Variants in SLC22A3 observed in about 807,000 individuals in gnomAD.
The protein encoded by SLC22A3 is solute carrier family 22 member 3, also known as EMT organic cation transporter 3.
A neutral mutation model predicts 59.1 loss-of-function variants in SLC22A3; 51 were observed. The observed-to-expected ratio is 0.86, with a 90% CI of 0.69 to 1.09. The LOEUF is 1.09. Ranked by LOEUF, SLC22A3 falls within the 50% of genes least tolerant of loss-of-function variation. The pLI is 0.00. For missense variants in SLC22A3, 711 were observed against 726.3 expected, an observed-to-expected ratio of 0.98 and a Z score of 0.24; for synonymous variants, 325 against 292.0, an observed-to-expected ratio of 1.11 and a Z score of -1.15.
intron 2 of SLC22A3, among the ~76,000 whole-genome samples, chr6:160,403,347 A>G (rs896172853): frequency 6.6e-6 from 1 of 151,886 alleles, no homozygotes; most frequent in Admixed American, 6.6e-5. Flanking sequence ...AACTCACCCA[A>G]GATTATATAG....
rs1447596875 is a variant in SLC22A3 at position 160,391,799 on chromosome 6, G to C, written c.430-6180G>C. Among the ~76,000 whole-genome samples the C allele has an allele frequency of 3.3e-5, 5 of 152,294 alleles. No homozygotes were observed. The East Asian group carries it at 9.6e-4, about 29-fold the overall frequency. ...TGTATCTTGTACAACCTGAGGATGA[G>C]TCACCAAGGGCAGAAGTTAATAAAT... is the stretch of plus-strand genomic sequence containing the variant. On this transcript the variant is annotated intron_variant, in intron 1 of 10. Coordinates refer to ENST00000275300, the MANE Select transcript of SLC22A3 (RefSeq NM_021977.4).
At chr6:160,410,545 A>C (rs1275617709) in intron 4 of SLC22A3, among the ~76,000 whole-genome samples, 184 bp from the exon 5 acceptor site, 2 of 151,760 alleles carry the variant, frequency 1.3e-5, no homozygotes, top group African/African-American at 2.4e-5. Context: ...TCAAGCTAGC[A>C]TTTTTCCCCA....
chr6:160,348,737 C>T lies in SLC22A3; in HGVS notation c.318C>T (p.Ser106=), dbSNP rs760498690. ...CCAACGACAGCGCCTCCGCCACTAG[C>T]GCTCTCAGCTGCGCGGACCCACTCG... is the stretch of plus-strand genomic sequence containing the variant. ...EAANDSASAT[S]ALSCADPLAA... Residue 106 remains serine (S), a synonymous_variant, in exon 1 of 11, where the codon AGC becomes AGT. Coordinates refer to ENST00000275300, the MANE Select transcript of SLC22A3 (RefSeq NM_021977.4). The T allele has an allele frequency of 6.5e-7, 1 of 1,532,280 alleles. No individual in the cohort carries two copies. Among genetic ancestry groups the T allele is most frequent in the East Asian group, 2.5e-5 (1 of 40,464 alleles). 94.9% of individuals were successfully genotyped at this position (1,532,280 alleles called of 1,614,324 possible). A position where few individuals can be genotyped will look rare whatever the true frequency, so the allele number is the denominator to read the frequency against.
At chr6:160,414,259 A>G (rs941108416) in intron 5 of SLC22A3, among the ~76,000 whole-genome samples, 2 of 152,174 alleles carry the variant, frequency 1.3e-5, no homozygotes, top group African/African-American at 4.8e-5. Flanking sequence ...GAGGTTGCCA[A>G]ATGACAATAT....
At chr6:160,434,304 A>T (rs1788260597) in intron 5 of SLC22A3, among the ~76,000 whole-genome samples, 1 of 152,216 alleles carries the variant, frequency 6.6e-6, no homozygotes, top group East Asian at 1.9e-4. Context: ...AAATATTTAG[A>T]TGTGGCCATC....
intron 1 of SLC22A3, among the ~76,000 whole-genome samples, chr6:160,373,933 G>T (rs1040444659): frequency 6.6e-6 from 1 of 152,206 alleles, no homozygotes; most frequent in African/African-American, 2.4e-5. Flanking sequence ...GTGGATCTTA[G>T]CTTGCTGGGC....
chr6:160,440,068 T>C (rs561521390), intron 7 of SLC22A3, among the ~76,000 whole-genome samples: 6 of 152,370 alleles, frequency 3.9e-5, no homozygotes, highest in Admixed American at 3.9e-4. Context: ...CAACTTTTCA[T>C]GGTCTAAAGA....
intron 5 of SLC22A3, among the ~76,000 whole-genome samples, chr6:160,435,743 G>A (rs541737214): frequency 7.9e-5 from 12 of 152,192 alleles, no homozygotes; most frequent in Admixed American, 4.6e-4. Context: ...AGATAGCATC[G>A]GTCTTGTCCT....
rs79360193 is a variant in SLC22A3, at chr6:160,369,520, A to G, written c.429+20672A>G. The stretch of plus-strand genomic sequence containing the variant: ...TAAATATACAAAGTAAAATGTAAAT[A>G]TCTTTTTTGTGGGTCTTTTAGAATT... On this transcript the variant is annotated intron_variant, in intron 1 of 10. Coordinates refer to ENST00000275300, the MANE Select transcript of SLC22A3 (RefSeq NM_021977.4). Among the ~76,000 whole-genome samples the G allele has an allele frequency of 4.5e-4, 68 of 152,326 alleles. 2 individuals carry two copies. In the East Asian group the frequency reaches 0.011, roughly 25 times the overall value.
At chr6:160,384,803 C>A (rs1440112576) in intron 1 of SLC22A3, among the ~76,000 whole-genome samples, 1 of 152,200 alleles carries the variant, frequency 6.6e-6, no homozygotes, top group Non-Finnish European at 1.5e-5. Flanking sequence ...GGGAAGCCAT[C>A]TCCACATGAT....
At chr6:160,416,336 G>C (rs2665355) in intron 5 of SLC22A3, among the ~76,000 whole-genome samples, 75,763 of 151,956 alleles carry the variant, frequency 0.5, 19,278 homozygotes, top group South Asian at 0.62. Flanking sequence ...AAATTAAAGA[G>C]AATCAGTGGA....
chr6:160,436,744 T>A, intron 5 of SLC22A3, 36 bp from the exon 6 acceptor site: 1 of 1,364,060 alleles, frequency 7.3e-7, no homozygotes, highest in Non-Finnish European at 1.0e-6. Context: ...TTTTTTTTTC[T>A]GTCTATTGCT....
chr6:160,378,819 T>C (rs1785691428), intron 1 of SLC22A3, among the ~76,000 whole-genome samples: 2 of 152,358 alleles, frequency 1.3e-5, no homozygotes, highest in South Asian at 4.1e-4. Context: ...AAATAGCTCA[T>C]GTAATTTATT....
At chr6:160,434,660 G>T (rs1376612312) in intron 5 of SLC22A3, among the ~76,000 whole-genome samples, 1 of 152,130 alleles carries the variant, frequency 6.6e-6, no homozygotes, top group African/African-American at 2.4e-5. Context: ...ATATATATTT[G>T]TAATCTATGG....
rs1787122657 is a variant in SLC22A3, at chr6:160,408,792, G to A, written c.728G>A (p.Gly243Glu). Residue 243 changes from glycine to glutamate, a missense_variant, in exon 4 of 11, where the codon GGA becomes GAA. Physicochemically the swap from Gly to Glu is moderately conservative, Grantham distance 98. Coordinates refer to ENST00000275300, the MANE Select transcript of SLC22A3 (RefSeq NM_021977.4). ...IVGSKQRRIV[G>E]IVIQMFFTLG... is the part of the protein sequence containing the mutation. ...GGTTCGAAACAAAGGAGGATTGTGG[G>A]AATCGTGATTCAAATGTTCTTTACC... The A allele has an allele frequency of 6.2e-7, 1 of 1,613,540 alleles. No homozygotes were observed. The highest frequency in any genetic ancestry group is 1.3e-5 in the African/African-American group (1 of 74,870).
Position 160,437,181 on chromosome 6 carries a change from G to A in SLC22A3, c.1258G>A (p.Ala420Thr). Reference protein sequence around the residue: ...FAASNIVAGVACLVTAFLPEG... With the variant: ...FAASNIVAGVTCLVTAFLPEG... ...GGCAAGCAATATAGTGGCAGGGGTG[G>A]CATGCCTTGTCACTGCGTTCTTACC... Residue 420 changes from alanine to threonine, a missense_variant, in exon 7 of 11, where the codon GCA (alanine) becomes ACA (threonine). Transcript: ENST00000275300. The A allele has an allele frequency of 6.2e-7, 1 of 1,614,120 alleles. No homozygotes were observed. The highest frequency in any genetic ancestry group is 8.5e-7 in the Non-Finnish European group (1 of 1,179,988).
At chr6:160,375,196 A>G (rs1235666870) in intron 1 of SLC22A3, among the ~76,000 whole-genome samples, 1 of 152,212 alleles carries the variant, frequency 6.6e-6, no homozygotes, top group Non-Finnish European at 1.5e-5. Flanking sequence ...ATGAAAAGCC[A>G]GATTTCACCT....
intron 2 of SLC22A3, among the ~76,000 whole-genome samples, chr6:160,399,427 C>T (rs1206951566): frequency 6.6e-6 from 1 of 151,856 alleles, no homozygotes; most frequent in Non-Finnish European, 1.5e-5. Context: ...TTTTCTCTTA[C>T]TCAGTCAATA....
intron 9 of SLC22A3, among the ~76,000 whole-genome samples, chr6:160,446,448 T>C (rs1452040328): frequency 3.3e-5 from 5 of 152,142 alleles, no homozygotes. Context: ...CTCAGGAAAC[T>C]TACAATCATG....
Sources: allele counts gnomAD v4.1 joint callset (sites outside exome capture counted in the v4.1 genomes callset), GRCh38; gene constraint gnomAD v4.1.1; transcripts MANE v1.5; gene names NCBI Gene and HGNC (gene_info 2026-07-23, HGNC 2026-07-21).